The following MARF1 variants were observed in gnomAD, a reference collection of about 807,000 sequenced individuals.
MARF1 encodes the protein meiosis regulator and mRNA stability factor 1.
In MARF1, 24 loss-of-function variants were observed where a neutral mutation model predicts 168.2. The ratio of observed to expected loss-of-function variants is 0.14; its 90% confidence interval spans 0.10 to 0.20. The LOEUF is 0.20. Ranked by LOEUF, MARF1 falls within the 10% of genes least tolerant of loss-of-function variation. The pLI is 1.00. For missense variants in MARF1, 1,744 were observed against 2,143.6 expected (o/e 0.81, Z 3.68); for synonymous variants, 868 against 822.4 (o/e 1.06, Z -0.95).
At chr16:15,607,550 A>G (rs1241961962) in intron 21 of MARF1, among the ~76,000 whole-genome samples, 1 of 152,188 alleles carries the variant, frequency 6.6e-6, no homozygotes, top group Non-Finnish European at 1.5e-5. Flanking sequence ...CTCCAACTCC[A>G]AAAAAACCCC....
At chr16:15,606,561 G>T (rs2033031410) in intron 21 of MARF1, among the ~76,000 whole-genome samples, 1 of 152,112 alleles carries the variant, frequency 6.6e-6, no homozygotes, top group African/African-American at 2.4e-5. Context: ...TCTAAGCAGA[G>T]ATCAGTCCCT....
chr16:15,640,537 C>G (rs992870809), intron 1 of MARF1, among the ~76,000 whole-genome samples: 1 of 152,100 alleles, frequency 6.6e-6, no homozygotes, highest in Admixed American at 6.5e-5. Context: ...AACCCCATGG[C>G]TACAAAAAAT....
Position 15,604,248 on chromosome 16 carries a change from G to T in MARF1, c.4333C>A (p.His1445Asn), listed in dbSNP as rs777933126. The T allele has an allele frequency of 6.2e-7, 1 of 1,614,124 alleles. No homozygotes were observed. The highest frequency in any genetic ancestry group is 1.7e-5 in the Admixed American group (1 of 60,018). ...TCACAGGGGTTAAGGGGAGTGTTGT[G>T]GGTACTTTCGTAATGTCTCTTGAGC... ...EELKRHYEST[H>N]NTPLNPCEYG... Residue 1445 changes from histidine to asparagine, a missense_variant, in exon 22 of 27, where the codon CAC (histidine) becomes AAC (asparagine). Around this residue, in one of 7 missense-constraint regions of MARF1, gnomAD observed 74 missense variants for 66.7 expected, o/e 1.11. Transcript: ENST00000396368.
intron 2 of MARF1, among the ~76,000 whole-genome samples, chr16:15,638,569 G>C (rs1018222757): frequency 2.6e-5 from 4 of 151,216 alleles, no homozygotes; most frequent in Non-Finnish European, 4.4e-5. Context: ...CTGGGCCACA[G>C]AGCAAGACTG....
At position 15,602,108 on chromosome 16, in the gene MARF1, G is replaced by A; in HGVS notation, c.4509C>T (p.Tyr1503=). The change falls in exon 23 of 27, where the codon TAC becomes TAT. Residue 1503 remains tyrosine (Y), a synonymous_variant. Coordinates refer to ENST00000396368, the MANE Select transcript of MARF1 (RefSeq NM_014647.4). ...NVRSLLHTYH[Y]QQIFLHEFSM... Reference sequence around the variant, plus strand: ...AAAACTCATGAAGGAAAATCTGCTGGTAGTGGTAAGTATGAAGTAAAGACC... The same window carrying A: ...AAAACTCATGAAGGAAAATCTGCTGATAGTGGTAAGTATGAAGTAAAGACC... 1 of 1,614,162 alleles carries A rather than the reference G, an allele frequency of 6.2e-7. No individual in the cohort carries two copies. The highest frequency in any genetic ancestry group is 8.5e-7 in the Non-Finnish European group (1 of 1,179,978).
chr16:15,623,910 CT>C (rs1168260036), intron 10 of MARF1, among the ~76,000 whole-genome samples: 154 of 132,826 alleles, frequency 1.2e-3, no homozygotes, highest in Admixed American at 3.5e-3. Flanking sequence ...GTCACTTTCT[CT>C]TTTTTTTTTT....
In MARF1 at chr16:15,602,511, TGAAGAAGACGAAGACGAC is replaced by T. The variant is rs1229662050; in HGVS notation, c.4414-326_4414-309del. 1.5e-5 allele frequency: 7 copies of T among 478,598 alleles called. No homozygotes were observed. In the African/African-American group the frequency reaches 1.6e-4, roughly 11 times the overall value. 29.6% of individuals were successfully genotyped at this position (478,598 alleles called of 1,614,324 possible). A position where few individuals can be genotyped will look rare whatever the true frequency, so the allele number is the denominator to read the frequency against. On this transcript the variant is annotated intron_variant, in intron 22 of 26. Transcript: ENST00000396368. ...GACGAAGACAAGACGAAGACGACGA[TGAAGAAGACGAAGACGAC>T]GATAAAGAAGACGAAGACGACGAAT...
chr16:15,595,211 G>A lies in MARF1; in HGVS notation c.*1482C>T, dbSNP rs964468961. The A allele has an allele frequency of 2.0e-5, 3 of 152,682 alleles. No homozygotes were observed. The highest frequency in any genetic ancestry group is 7.2e-5 in the African/African-American group (3 of 41,538). 9.5% of individuals were successfully genotyped at this position (152,682 alleles called of 1,614,324 possible). ...TCTGTCTTGACTGGGGCCATGTGTT[G>A]AGAACTGGGAGTCACTGGCTTCATT... On this transcript the variant is annotated 3_prime_UTR_variant, in exon 27 of 27. Transcript: ENST00000396368.
rs140846239 is a variant in MARF1 at position 15,601,736 on chromosome 16, C to T, written c.4626+255G>A. 3,254 of 564,604 alleles carry T rather than the reference C, an allele frequency of 5.8e-3. 148 individuals are homozygous for T. The South Asian group carries it at 0.068, about 12-fold the overall frequency. The allele number at this position is 564,604 out of a possible 1,614,324, so 35.0% of individuals were successfully genotyped here. A position where few individuals can be genotyped will look rare whatever the true frequency, so the allele number is the denominator to read the frequency against. On this transcript the variant is annotated intron_variant, in intron 23 of 26. Transcript: ENST00000396368. ...TGCCTGCTTGGGGGTCTTGACTCTC[C>T]CATTAACCAACACCTTTCTAGAGTT...
rs1042701009 is a variant in MARF1, at chr16:15,623,704, T to C, written c.2271-581A>G. Reference sequence around the variant, plus strand: ...TTGGGTTAAAGCTAAAGGCAGGAATTAGAGGCAGTCCTGATGAATTAACCT... The same window carrying C: ...TTGGGTTAAAGCTAAAGGCAGGAATCAGAGGCAGTCCTGATGAATTAACCT... On this transcript the variant is annotated intron_variant, in intron 10 of 26. Transcript: ENST00000396368. 2.0e-5 allele frequency among the ~76,000 whole-genome samples: 3 copies of C among 152,210 alleles called. No individual in the cohort carries two copies. In the East Asian group the frequency reaches 5.8e-4, roughly 29 times the overall value.
At chr16:15,641,436 T>C (rs1490377451) in intron 1 of MARF1, among the ~76,000 whole-genome samples, 1 of 152,248 alleles carries the variant, frequency 6.6e-6, no homozygotes, top group African/African-American at 2.4e-5. Flanking sequence ...ACAGTGTTCA[T>C]AACTTAAACA....
At chr16:15,617,565 TAGA>T (rs754865619) in intron 13 of MARF1, 30 bp from the exon 14 acceptor site, 2 of 1,488,784 alleles carry the variant, frequency 1.3e-6, no homozygotes, top group Admixed American at 1.9e-5. Context: ...GACGCTGACT[TAGA>T]AGGTTTTTCT....
intron 21 of MARF1, among the ~76,000 whole-genome samples, chr16:15,607,175 A>T (rs749847314): frequency 1.3e-5 from 2 of 151,986 alleles, no homozygotes; most frequent in Non-Finnish European, 2.9e-5. Flanking sequence ...CCTCCAACCA[A>T]TCAGTACCTA....
chr16:15,632,374 T>G (rs1033223910), intron 5 of MARF1, among the ~76,000 whole-genome samples: 6 of 152,198 alleles, frequency 3.9e-5, no homozygotes, highest in African/African-American at 1.4e-4. Context: ...GTTTTCTGTT[T>G]TGTTTTGTTT....
rs191293873 is a variant in MARF1 at position 15,633,127 on chromosome 16, A to G, written c.1233+490T>C. Among the ~76,000 whole-genome samples, 24 of 151,418 alleles carry G rather than the reference A, an allele frequency of 1.6e-4. No individual in the cohort carries two copies. The South Asian group carries it at 2.1e-3, about 13-fold the overall frequency. The stretch of plus-strand genomic sequence containing the variant: ...TATTTGAAAACTTGGCACAAATGCA[A>G]TATCATTAAACAAATTTTCAATCAG... On this transcript the variant is annotated intron_variant, in intron 5 of 26. Coordinates refer to ENST00000396368, the MANE Select transcript of MARF1 (RefSeq NM_014647.4).
At chr16:15,599,790 T>C (rs1025502232) in intron 25 of MARF1, among the ~76,000 whole-genome samples, 1 of 152,204 alleles carries the variant, frequency 6.6e-6, no homozygotes, top group African/African-American at 2.4e-5. Context: ...AAATCCTGCC[T>C]AGGGCTGTCC....
intron 10 of MARF1, 139 bp from the exon 11 acceptor site, chr16:15,623,262 T>C (rs1410053402): frequency 4.1e-6 from 2 of 489,872 alleles, no homozygotes; most frequent in Non-Finnish European, 6.6e-6. Context: ...GGTTTTCAAA[T>C]GTGTTTTTAA....
chr16:15,615,870 C>A lies in MARF1; in HGVS notation c.3213G>T (p.Val1071=). 1 of 1,585,750 alleles carries A rather than the reference C, an allele frequency of 6.3e-7. No individual in the cohort carries two copies. The highest frequency in any genetic ancestry group is 8.6e-7 in the Non-Finnish European group (1 of 1,165,134). The change falls in exon 16 of 27, where the codon GTG becomes GTT. Residue 1071 remains valine, a synonymous_variant. Transcript: ENST00000396368. ...NIATAQNGIK[V]VKWIHNKPPP... The stretch of plus-strand genomic sequence containing the variant: ...GGGGCTTGTTGTGAATCCATTTAAC[C>A]ACTTTGATGCCATTCTGAGCAGTGG...
At chr16:15,609,903 A>G (rs988583061) in intron 19 of MARF1, among the ~76,000 whole-genome samples, 178 bp from the exon 20 acceptor site, 1 of 152,196 alleles carries the variant, frequency 6.6e-6, no homozygotes, top group East Asian at 1.9e-4. Context: ...GTTCTCAAAC[A>G]TGTTCCAGGG....
Sources: gnomAD v4.1 joint callset for allele counts (sites outside exome capture counted in the v4.1 genomes callset) on GRCh38, gnomAD v4.1.1 for gene constraint, gnomAD v4.1.1 regional missense constraint, MANE v1.5 for transcripts, NCBI Gene and HGNC (gene_info 2026-07-23, HGNC 2026-07-21) for gene names.